The following SPAG16 variants were observed in gnomAD, a reference collection of about 807,000 sequenced individuals.
SPAG16 encodes sperm-associated antigen 16 protein.
In SPAG16, 86 loss-of-function variants were observed where a neutral mutation model predicts 80.4. The ratio of observed to expected loss-of-function variants is 1.07; its 90% CI spans 0.90 to 1.28. The LOEUF is 1.28. Among genes scored for constraint, SPAG16 ranks in the 50% most tolerant of loss-of-function variants. The pLI is 0.00. For missense variants in SPAG16, 870 were observed against 765.3 expected (o/e 1.14, Z -1.61); for synonymous variants, 294 against 265.9 (o/e 1.11, Z -1.03).
chr2:213,812,945 A>G (rs1048610618), intron 10 of SPAG16, among the ~76,000 whole-genome samples: 4 of 152,196 alleles, frequency 2.6e-5, no homozygotes, highest in Non-Finnish European at 5.9e-5. Flanking sequence ...GATTTTTAAA[A>G]GATTAAGAAA....
intron 13 of SPAG16, among the ~76,000 whole-genome samples, chr2:214,077,636 A>G (rs919716468): frequency 1.3e-5 from 2 of 152,216 alleles, no homozygotes; most frequent in African/African-American, 4.8e-5. Context: ...ATTCTGCCTC[A>G]ATGACCACTT....
intron 15 of SPAG16, among the ~76,000 whole-genome samples, chr2:214,300,801 G>C (rs543316795): frequency 1.4e-3 from 210 of 151,776 alleles, no homozygotes; most frequent in African/African-American, 5.0e-3. Context: ...GCCCAGGAGC[G>C]GATGGATTCA....
intron 11 of SPAG16, among the ~76,000 whole-genome samples, chr2:213,928,995 CT>C (rs1476072217): frequency 5.7e-5 from 5 of 88,316 alleles, no homozygotes; most frequent in Admixed American, 5.1e-4. Flanking sequence ...CATTTCTTTT[CT>C]TTTCTTTTTT....
intron 15 of SPAG16, among the ~76,000 whole-genome samples, chr2:214,157,578 G>A (rs2056269630): frequency 6.6e-6 from 1 of 152,014 alleles, no homozygotes; most frequent in African/African-American, 2.4e-5. Context: ...AATAGTCATA[G>A]TTGTGCAGTT....
chr2:214,315,501 T>TTTTATTTA (rs145465479), intron 15 of SPAG16, among the ~76,000 whole-genome samples: 179 of 144,256 alleles, frequency 1.2e-3, no homozygotes, highest in Admixed American at 4.0e-3. Context: ...GCCCCATCTT[T>TTTTATTTA]TTTATTTATT....
rs566542544 is a variant in SPAG16 at position 213,483,108 on chromosome 2, G to A, written c.943-6855G>A. On this transcript the variant is annotated intron_variant, in intron 9 of 15. Coordinates refer to ENST00000331683, the MANE Select transcript of SPAG16 (RefSeq NM_024532.5). ...ATTAAGTGGACACTTTCCTATGTCC[G>A]TATTCTTCATGAATATTATTATTAA... Among the ~76,000 whole-genome samples, 77 of 152,134 alleles carry A rather than the reference G, an allele frequency of 5.1e-4. 2 individuals carry two copies. The highest frequency in any genetic ancestry group is 6.5e-4 in the Admixed American group (10 of 15,272).
intron 10 of SPAG16, among the ~76,000 whole-genome samples, chr2:213,693,063 A>T (rs973406997): frequency 1.3e-5 from 2 of 152,232 alleles, no homozygotes; most frequent in African/African-American, 4.8e-5. Flanking sequence ...ATATGCCAAC[A>T]TGCATTTCTA....
chr2:214,003,211 C>T (rs966763327), intron 12 of SPAG16, among the ~76,000 whole-genome samples: 2 of 152,122 alleles, frequency 1.3e-5, no homozygotes, highest in Non-Finnish European at 2.9e-5. Flanking sequence ...TGTTTCTAAT[C>T]CACAGAAATG....
chr2:213,363,950 G>C (rs2066136051), intron 7 of SPAG16, 126 bp from the exon 8 acceptor site: 1 of 338,158 alleles, frequency 3.0e-6, no homozygotes, highest in African/African-American at 2.2e-5. Flanking sequence ...TATTAAAAAA[G>C]GTATAAATTT....
intron 10 of SPAG16, among the ~76,000 whole-genome samples, chr2:213,805,554 G>A (rs914628885): frequency 1.3e-5 from 2 of 152,164 alleles, no homozygotes; most frequent in Non-Finnish European, 2.9e-5. Context: ...GAGGGGTGTT[G>A]TCGAAACTGT....
At chr2:213,571,833 T>C (rs2059922310) in intron 10 of SPAG16, among the ~76,000 whole-genome samples, 1 of 121,652 alleles carries the variant, frequency 8.2e-6, no homozygotes, top group African/African-American at 4.1e-5. Flanking sequence ...TGCAGAGTGT[T>C]TTCCAACTTG....
intron 14 of SPAG16, among the ~76,000 whole-genome samples, chr2:214,132,770 A>G (rs1482909521): frequency 3.3e-5 from 5 of 152,184 alleles, no homozygotes; most frequent in Admixed American, 6.5e-5. Flanking sequence ...GAGGCAGGTC[A>G]AATTTACATT....
At chr2:213,625,213 T>C (rs2061921030) in intron 10 of SPAG16, among the ~76,000 whole-genome samples, 1 of 152,138 alleles carries the variant, frequency 6.6e-6, no homozygotes, top group African/African-American at 2.4e-5. Flanking sequence ...AGAAAAGATG[T>C]TTAATCAGCT....
chr2:214,403,851 C>T (rs1701847495), intron 15 of SPAG16, among the ~76,000 whole-genome samples: 1 of 152,132 alleles, frequency 6.6e-6, no homozygotes. Flanking sequence ...GAATTTTTGA[C>T]ATCTTATTAT....
chr2:214,091,984 A>G (rs1352770527), intron 13 of SPAG16, among the ~76,000 whole-genome samples: 3 of 152,152 alleles, frequency 2.0e-5, no homozygotes, highest in Non-Finnish European at 4.4e-5. Context: ...TCATTGTACA[A>G]TACAATACCT....
intron 10 of SPAG16, among the ~76,000 whole-genome samples, chr2:213,683,934 G>T (rs2064523165): frequency 6.6e-6 from 1 of 152,170 alleles, no homozygotes. Flanking sequence ...TTGTAGAAAT[G>T]TCAGAGTATT....
At position 213,588,465 on chromosome 2, in the gene SPAG16, T is replaced by G. The variant is rs529391560; in HGVS notation, c.1070+98375T>G. On this transcript the variant is annotated intron_variant, in intron 10 of 15. Transcript: ENST00000331683. ...ATTTATTTGTGATTTTTTTTTTTTT[T>G]GTAAGGGAATCCAAAAGTACAATAT... Among the ~76,000 whole-genome samples, 14 of 150,554 alleles carry G rather than the reference T, an allele frequency of 9.3e-5. No individual in the cohort carries two copies. In the South Asian group the frequency reaches 1.3e-3, roughly 13 times the overall value.
intron 10 of SPAG16, among the ~76,000 whole-genome samples, chr2:213,727,467 A>G (rs1412010245): frequency 6.6e-6 from 1 of 152,212 alleles, no homozygotes; most frequent in Non-Finnish European, 1.5e-5. Flanking sequence ...AAAAAAATCA[A>G]TGAGAAGATA....
intron 10 of SPAG16, among the ~76,000 whole-genome samples, chr2:213,619,562 A>G (rs761021702): frequency 6.6e-6 from 1 of 152,144 alleles, no homozygotes; most frequent in Non-Finnish European, 1.5e-5. Context: ...ATATAAAATG[A>G]TCAACATCAC....
Sources: allele counts gnomAD v4.1 joint callset (sites outside exome capture counted in the v4.1 genomes callset), GRCh38; gene constraint gnomAD v4.1.1; transcripts MANE v1.5; gene names NCBI Gene and HGNC (gene_info 2026-07-23, HGNC 2026-07-21).